The following NUP210L variants were observed in gnomAD, a reference collection of about 807,000 sequenced individuals.
NUP210L encodes nuclear pore membrane glycoprotein 210-like.
Under a neutral mutation model 208.5 loss-of-function variants are expected in NUP210L, and 74 were observed. The ratio of observed to expected loss-of-function variants is 0.35; its 90% CI spans 0.29 to 0.43. The LOEUF is 0.43. Among genes scored for constraint, NUP210L ranks in the 20% least tolerant of loss-of-function variants. The probability of loss-of-function intolerance (pLI) is 1.00; values close to 1 mark genes in which losing one functional copy is unlikely to be tolerated. For synonymous variants in NUP210L, 780 were observed against 816.9 expected, an observed-to-expected ratio of 0.95 and a Z score of 0.77; for missense variants, 1,843 against 2,289.4, an observed-to-expected ratio of 0.81 and a Z score of 3.98.
chr1:154,020,558 G>A (rs1465640146), intron 32 of NUP210L, among the ~76,000 whole-genome samples: 4 of 151,776 alleles, frequency 2.6e-5, no homozygotes, highest in African/African-American at 7.3e-5. Context: ...ACAGAGTCTC[G>A]CTCCATCACC....
intron 37 of NUP210L, 75 bp from the exon 38 acceptor site, chr1:153,995,255 AT>A (rs1248329158): frequency 1.1e-4 from 119 of 1,104,038 alleles, no homozygotes; most frequent in Middle Eastern, 2.1e-4. Flanking sequence ...TTTAAATTTA[AT>A]TTTTTTTGAG....
intron 31 of NUP210L, 73 bp downstream of exon 31, chr1:154,023,049 G>T: frequency 7.5e-7 from 1 of 1,329,146 alleles, no homozygotes; most frequent in South Asian, 1.4e-5. Context: ...ATTTACTGGA[G>T]CTGCTATATA....
intron 15 of NUP210L, among the ~76,000 whole-genome samples, chr1:154,091,864 A>G (rs1331401101): frequency 6.6e-6 from 1 of 151,858 alleles, no homozygotes; most frequent in Non-Finnish European, 1.5e-5. Context: ...ATATATACAT[A>G]TGCAGCTTTA....
At chr1:154,108,453 C>T (rs1656880543) in intron 12 of NUP210L, among the ~76,000 whole-genome samples, 1 of 152,070 alleles carries the variant, frequency 6.6e-6, no homozygotes, top group South Asian at 2.1e-4. Context: ...CAGGCATGAG[C>T]CACTGCAACC....
At chr1:154,065,600 A>G (rs1377699663) in intron 17 of NUP210L, among the ~76,000 whole-genome samples, 1 of 152,098 alleles carries the variant, frequency 6.6e-6, no homozygotes, top group Non-Finnish European at 1.5e-5. Flanking sequence ...TGCCCATAAG[A>G]AAATATTTAG....
chr1:154,024,659 A>T (rs1044893725), intron 30 of NUP210L, among the ~76,000 whole-genome samples: 5 of 150,168 alleles, frequency 3.3e-5, no homozygotes, highest in Admixed American at 2.7e-4. Context: ...AGCAGCTAGG[A>T]CTGCAGACAT....
chr1:154,092,254 T>C (rs1655963848), intron 15 of NUP210L, among the ~76,000 whole-genome samples: 1 of 151,266 alleles, frequency 6.6e-6, no homozygotes, highest in Non-Finnish European at 1.5e-5. Flanking sequence ...TTTTTTTTTT[T>C]ATTTTTAGTA....
At chr1:154,041,519 C>T (rs1337425917) in intron 27 of NUP210L, among the ~76,000 whole-genome samples, 5 of 151,468 alleles carry the variant, frequency 3.3e-5, no homozygotes, top group Admixed American at 2.0e-4. Flanking sequence ...GTAGTAGAGA[C>T]GGCGTTTCAC....
chr1:154,126,063 C>T (rs1463392887), intron 10 of NUP210L, among the ~76,000 whole-genome samples: 2 of 151,932 alleles, frequency 1.3e-5, no homozygotes, highest in Non-Finnish European at 2.9e-5. Context: ...CCACCGCGCC[C>T]GGCCAAGAAA....
chr1:154,076,140 T>C (rs1655025465), intron 16 of NUP210L, among the ~76,000 whole-genome samples: 1 of 145,360 alleles, frequency 6.9e-6, no homozygotes, highest in Non-Finnish European at 1.5e-5. Flanking sequence ...AGTCTCACTC[T>C]GTTGCCAGGC....
chr1:154,060,128 A>C (rs998300282), intron 20 of NUP210L, among the ~76,000 whole-genome samples: 5 of 152,114 alleles, frequency 3.3e-5, no homozygotes, highest in African/African-American at 1.2e-4. Flanking sequence ...AATCCCAGCT[A>C]CTCAGGAGGC....
intron 14 of NUP210L, among the ~76,000 whole-genome samples, chr1:154,098,462 T>C (rs1342578692): frequency 6.6e-6 from 1 of 151,930 alleles, no homozygotes; most frequent in East Asian, 1.9e-4. Flanking sequence ...AAGTGGAGGG[T>C]GAGCAAGGTG....
intron 16 of NUP210L, among the ~76,000 whole-genome samples, chr1:154,087,127 C>T (rs978881401): frequency 6.6e-6 from 1 of 152,022 alleles, no homozygotes; most frequent in Non-Finnish European, 1.5e-5. Flanking sequence ...TGAGACCAGC[C>T]TGGCCAACAT....
At chr1:154,019,807 T>C (rs1651455740) in intron 32 of NUP210L, among the ~76,000 whole-genome samples, 1 of 152,032 alleles carries the variant, frequency 6.6e-6, no homozygotes, top group Non-Finnish European at 1.5e-5. Context: ...ATGCCTCTAG[T>C]TCCAGCTACT....
chr1:154,017,297 AG>A (rs201269662), intron 33 of NUP210L, among the ~76,000 whole-genome samples: 38,715 of 146,422 alleles, frequency 0.26, 5,536 homozygotes, highest in Admixed American at 0.38. Flanking sequence ...AAAAAAAAAA[AG>A]GGGGGGGCTC....
chr1:154,152,781 T>C (rs758402299), exon 2 of NUP210L: 3 of 1,614,012 alleles, frequency 1.9e-6, no homozygotes, highest in Admixed American at 3.3e-5. Context: ...ATCGGTTGCG[T>C]AGATTCAGCA....
chr1:154,053,334 T>A (rs1357553311), intron 25 of NUP210L, among the ~76,000 whole-genome samples: 1 of 152,242 alleles, frequency 6.6e-6, no homozygotes, highest in African/African-American at 2.4e-5. Context: ...AGTCTGCAGA[T>A]GCAGATCCTG....
intron 32 of NUP210L, among the ~76,000 whole-genome samples, chr1:154,020,988 C>T (rs2147926219): frequency 6.6e-6 from 1 of 152,104 alleles, no homozygotes; most frequent in South Asian, 2.1e-4. Context: ...TGTTGCCAGG[C>T]TGGAGTGCAG....
chr1:154,131,250 C>T (rs1658237611), intron 7 of NUP210L, among the ~76,000 whole-genome samples: 1 of 140,462 alleles, frequency 7.1e-6, no homozygotes, highest in Admixed American at 7.5e-5. Context: ...CCAGCCCGGG[C>T]AACAGAGCGA....
Sources: allele counts gnomAD v4.1 joint callset (sites outside exome capture counted in the v4.1 genomes callset), GRCh38; gene constraint gnomAD v4.1.1; transcripts MANE v1.5; gene names NCBI Gene and HGNC (gene_info 2026-07-23, HGNC 2026-07-21).